The following ARHGEF4 variants were observed in gnomAD, a reference collection of about 807,000 sequenced individuals.
ARHGEF4 encodes Rho guanine nucleotide exchange factor 4.
Under a neutral mutation model 162.0 loss-of-function variants are expected in ARHGEF4, and 119 were observed. That is an observed-to-expected ratio of 0.73 (90% confidence interval 0.63 to 0.86). ARHGEF4 has a LOEUF of 0.86. ARHGEF4 is among the 40% of genes least tolerant of loss of function. The probability of loss-of-function intolerance (pLI) is 0.00; values close to 1 mark genes in which losing one functional copy is unlikely to be tolerated. For synonymous variants in ARHGEF4, 1,014 were observed against 979.9 expected (o/e 1.03, Z -0.65); for missense variants, 2,488 against 2,456.0 (o/e 1.01, Z -0.28).
chr2:130,922,688 G>T (rs974947736), intron 2 of ARHGEF4, among the ~76,000 whole-genome samples: 2 of 152,102 alleles, frequency 1.3e-5, no homozygotes, highest in Admixed American at 6.5e-5. Context: ...ATTTAGCTGA[G>T]GGGGAGTGAG....
At chr2:131,020,030 G>A (rs1040468841) in intron 4 of ARHGEF4, among the ~76,000 whole-genome samples, 2 of 152,120 alleles carry the variant, frequency 1.3e-5, no homozygotes, top group African/African-American at 4.8e-5. Context: ...ACTGATTTTT[G>A]TGTGTTAATT....
At chr2:130,904,472 T>C (rs74552400) in intron 1 of ARHGEF4, among the ~76,000 whole-genome samples, 3,762 of 152,122 alleles carry the variant, frequency 0.025, 160 homozygotes, top group African/African-American at 0.085. Flanking sequence ...ACTGATGAAA[T>C]AGAAGTTGCC....
chr2:130,998,810 G>A (rs1335626246), intron 4 of ARHGEF4, among the ~76,000 whole-genome samples: 2 of 152,162 alleles, frequency 1.3e-5, no homozygotes, highest in African/African-American at 2.4e-5. Context: ...ACATGTTTTC[G>A]ACTCGTTTGG....
At chr2:130,921,170 A>C (rs79759350) in intron 2 of ARHGEF4, among the ~76,000 whole-genome samples, 1 of 152,166 alleles carries the variant, frequency 6.6e-6, no homozygotes, top group East Asian at 1.9e-4. Flanking sequence ...AACTTTACTC[A>C]GTCTATTTTG....
At chr2:130,884,171 G>A (rs1679365542) in intron 1 of ARHGEF4, among the ~76,000 whole-genome samples, 1 of 152,032 alleles carries the variant, frequency 6.6e-6, no homozygotes, top group Non-Finnish European at 1.5e-5. Context: ...GCTGAGCCTG[G>A]AGATGTTATC....
intron 1 of ARHGEF4, among the ~76,000 whole-genome samples, chr2:130,903,377 A>C (rs560651486): frequency 6.6e-6 from 1 of 151,556 alleles, no homozygotes; most frequent in East Asian, 1.9e-4. Context: ...CTCCTGCCTC[A>C]GCCTCCCGCA....
At chr2:130,910,196 A>C (rs1681089773) in intron 1 of ARHGEF4, among the ~76,000 whole-genome samples, 1 of 152,216 alleles carries the variant, frequency 6.6e-6, no homozygotes, top group Non-Finnish European at 1.5e-5. Context: ...CCAGAACTTA[A>C]GGTATAATAA....
At chr2:130,941,007 G>C (rs13406524) in intron 3 of ARHGEF4, among the ~76,000 whole-genome samples, 61,580 of 151,762 alleles carry the variant, frequency 0.41, 15,970 homozygotes, top group African/African-American at 0.74. Context: ...CTATAAGCAG[G>C]AGGCAGCCTT....
At chr2:130,927,761 A>G (rs1426066128) in intron 2 of ARHGEF4, among the ~76,000 whole-genome samples, 1 of 152,148 alleles carries the variant, frequency 6.6e-6, no homozygotes, top group Admixed American at 6.5e-5. Flanking sequence ...TATGATCCCT[A>G]GCTGGTCTAC....
intron 1 of ARHGEF4, among the ~76,000 whole-genome samples, chr2:130,874,775 G>A (rs1243464244): frequency 6.6e-6 from 1 of 151,996 alleles, no homozygotes; most frequent in Non-Finnish European, 1.5e-5. Context: ...CATAACCACT[G>A]CCACCTCCCC....
chr2:130,867,239 A>ATT (rs1490639930), intron 1 of ARHGEF4, among the ~76,000 whole-genome samples: 1 of 148,776 alleles, frequency 6.7e-6, no homozygotes, highest in Non-Finnish European at 1.5e-5. Context: ...TATTATTATT[A>ATT]TTATTTTTTT....
rs544289984 is a variant in ARHGEF4, at chr2:131,046,050, C to T, written c.5492C>T (p.Pro1831Leu). 5.6e-6 allele frequency: 9 copies of T among 1,611,462 alleles called. No individual in the cohort carries two copies. In the South Asian group the frequency reaches 8.8e-5, roughly 16 times the overall value. Residue 1831 changes from proline (P) to leucine (L), a missense_variant, in exon 14 of 14, where the codon CCC (proline) becomes CTC (leucine). Coordinates refer to ENST00000409359, the MANE Select transcript of ARHGEF4 (RefSeq NM_001367493.1). Reference sequence around the variant, plus strand: ...TCTCCCTGTTCAGCTGTTGGCCGGCCCTGCTACCTGACGCGCCAGAAGCAC... The same window carrying T: ...TCTCCCTGTTCAGCTGTTGGCCGGCTCTGCTACCTGACGCGCCAGAAGCAC... ...VTGKPKAVGR[P>L]CYLTRQKHPA...
chr2:130,938,456 A>G (rs564557515), intron 3 of ARHGEF4, among the ~76,000 whole-genome samples: 19 of 152,320 alleles, frequency 1.2e-4, no homozygotes, highest in African/African-American at 4.6e-4. Flanking sequence ...CATATTTGCC[A>G]TTGGTACAAC....
intron 1 of ARHGEF4, among the ~76,000 whole-genome samples, chr2:130,855,217 G>A (rs1194899705): frequency 6.6e-6 from 1 of 152,028 alleles, no homozygotes; most frequent in Admixed American, 6.6e-5. Flanking sequence ...GAGAACCCAT[G>A]CCTTAAGGGT....
intron 3 of ARHGEF4, among the ~76,000 whole-genome samples, chr2:130,937,922 C>T (rs1286344240): frequency 6.6e-6 from 1 of 152,154 alleles, no homozygotes. Flanking sequence ...CCGCCTCGGC[C>T]TCCCAAAGTG....
intron 1 of ARHGEF4, among the ~76,000 whole-genome samples, chr2:130,874,796 G>A (rs930367678): frequency 3.3e-5 from 5 of 152,052 alleles, no homozygotes; most frequent in African/African-American, 7.2e-5. Context: ...ATCTTTCACC[G>A]CTGACAACCC....
At chr2:131,032,848 CTTTT>C (rs111971610) in intron 5 of ARHGEF4, among the ~76,000 whole-genome samples, 1 of 128,608 alleles carries the variant, frequency 7.8e-6, no homozygotes, top group African/African-American at 3.4e-5. Context: ...TTTCTTTTTT[CTTTT>C]TTTTTTTTTT....
chr2:130,956,061 G>A (rs1684251183), intron 4 of ARHGEF4, among the ~76,000 whole-genome samples: 1 of 152,214 alleles, frequency 6.6e-6, no homozygotes, highest in Non-Finnish European at 1.5e-5. Context: ...GTAGCCTAAT[G>A]TCCTCTCAGC....
chr2:130,878,951 T>C lies in ARHGEF4; in HGVS notation c.40-35035T>C, dbSNP rs528964923. Among the ~76,000 whole-genome samples, 42 of 152,352 alleles carry C rather than the reference T, an allele frequency of 2.8e-4. 1 individual carries two copies. The highest frequency in any genetic ancestry group is 9.6e-4 in the African/African-American group (40 of 41,574). ...CATAAGAGAGGAAGTAGTTTTTGGA[T>C]TGGTCATTAATGGATGCCCAGGCAA... On this transcript the variant is annotated intron_variant, in intron 1 of 13. Transcript: ENST00000409359.
Sources: gnomAD v4.1 joint callset for allele counts (sites outside exome capture counted in the v4.1 genomes callset) on GRCh38, gnomAD v4.1.1 for gene constraint, MANE v1.5 for transcripts, NCBI Gene and HGNC (gene_info 2026-07-23, HGNC 2026-07-21) for gene names.